GALNTL6: variants seen among roughly 807,000 people sequenced by gnomAD.
GALNTL6 encodes the protein polypeptide N-acetylgalactosaminyltransferase-like 6.
GALNTL6 carries 46 observed loss-of-function variants against 73.7 expected under a neutral mutation model. The observed-to-expected ratio is 0.62, with a 90% confidence interval of 0.49 to 0.80. The LOEUF is 0.80. GALNTL6 is among the 30% of genes least tolerant of loss of function. GALNTL6 has a pLI of 0.00. For missense variants in GALNTL6, 604 were observed against 755.0 expected (o/e 0.80, Z 2.34); for synonymous variants, 259 against 263.7 (o/e 0.98, Z 0.17).
At position 172,236,558 on chromosome 4, in the gene GALNTL6, C is replaced by CAAAA. The variant is rs149895272; in HGVS notation, c.247+6797_247+6798insAAAA. 2.3e-4 allele frequency among the ~76,000 whole-genome samples: 31 copies of CAAAA among 136,480 alleles called. 2 individuals carry two copies. Among genetic ancestry groups the CAAAA allele is most frequent in the East Asian group, 6.3e-4 (3 of 4,732 alleles). The allele number at this position is 136,480 out of a possible 152,430, so 89.5% of individuals were successfully genotyped here. On this transcript the variant is annotated intron_variant, in intron 3 of 12. Transcript: ENST00000506823. The stretch of plus-strand genomic sequence containing the variant: ...TGGGCGACAGAGTAAGACTCCGTCT[C>CAAAA]AAATAAAAAAAAAAAGTATATTAGC...
chr4:172,533,316 ATTTTTTTTTTT>A (rs34973148), intron 5 of GALNTL6, among the ~76,000 whole-genome samples: 1 of 77,394 alleles, frequency 1.3e-5, no homozygotes, highest in African/African-American at 5.6e-5. Context: ...CCCGGCCAGA[ATTTTTTTTTTT>A]TTTTTTTTTT....
intron 8 of GALNTL6, among the ~76,000 whole-genome samples, chr4:172,893,920 T>C (rs1746184544): frequency 6.6e-6 from 1 of 152,054 alleles, no homozygotes; most frequent in South Asian, 2.1e-4. Context: ...GAGTGTGGAG[T>C]CCCGGAGCTC....
At chr4:172,782,602 C>A (rs539111755) in intron 5 of GALNTL6, among the ~76,000 whole-genome samples, 2 of 152,074 alleles carry the variant, frequency 1.3e-5, no homozygotes, top group Non-Finnish European at 2.9e-5. Flanking sequence ...TCCCCCAACC[C>A]CCACCAATTT....
At chr4:172,045,594 G>C (rs2110848019) in intron 2 of GALNTL6, among the ~76,000 whole-genome samples, 1 of 151,868 alleles carries the variant, frequency 6.6e-6, no homozygotes, top group Non-Finnish European at 1.5e-5. Context: ...TAGAAAAAGG[G>C]CTATTATGTG....
intron 2 of GALNTL6, among the ~76,000 whole-genome samples, chr4:171,843,062 A>C (rs1735279213): frequency 6.6e-6 from 1 of 152,080 alleles, no homozygotes; most frequent in African/African-American, 2.4e-5. Context: ...TCTTCTATGA[A>C]ATTAGTTTTA....
chr4:172,148,230 G>C (rs1334302075), intron 2 of GALNTL6, among the ~76,000 whole-genome samples: 1 of 151,794 alleles, frequency 6.6e-6, no homozygotes. Context: ...TATTTCATTT[G>C]GCTATTGAGA....
intron 3 of GALNTL6, among the ~76,000 whole-genome samples, chr4:172,285,456 A>G (rs141374308): frequency 6.6e-6 from 1 of 152,202 alleles, no homozygotes; most frequent in Admixed American, 6.5e-5. Context: ...CCAGGAATCT[A>G]GCAAAAGTCT....
intron 5 of GALNTL6, among the ~76,000 whole-genome samples, chr4:172,389,460 A>G (rs1272743938): frequency 1.3e-5 from 2 of 152,272 alleles, no homozygotes; most frequent in Admixed American, 6.5e-5. Flanking sequence ...ATGGGAATGC[A>G]TATTTATTAA....
chr4:172,096,547 A>AAC (rs200866095), intron 2 of GALNTL6, among the ~76,000 whole-genome samples: 2 of 151,860 alleles, frequency 1.3e-5, no homozygotes, highest in East Asian at 1.9e-4. Flanking sequence ...ATAAAAAAAA[A>AAC]ACCTTACTAT....
intron 2 of GALNTL6, among the ~76,000 whole-genome samples, chr4:171,826,887 T>C (rs909836234): frequency 2.0e-5 from 3 of 152,082 alleles, no homozygotes; most frequent in African/African-American, 7.2e-5. Context: ...TTCACTGCCA[T>C]TCCCAACCAA....
At chr4:172,825,127 T>TTTCTTTCC (rs1553992673) in intron 7 of GALNTL6, among the ~76,000 whole-genome samples, 1 of 147,720 alleles carries the variant, frequency 6.8e-6, no homozygotes, top group East Asian at 2.2e-4. Flanking sequence ...TCTTTCTTTC[T>TTTCTTTCC]TTCTTCCTTT....
chr4:172,323,832 G>A (rs1740842058), intron 4 of GALNTL6, among the ~76,000 whole-genome samples: 1 of 152,008 alleles, frequency 6.6e-6, no homozygotes, highest in African/African-American at 2.4e-5. Flanking sequence ...TGCTGGCACT[G>A]TTATTTATAA....
At chr4:171,882,219 C>T (rs1406142226) in intron 2 of GALNTL6, among the ~76,000 whole-genome samples, 1 of 152,128 alleles carries the variant, frequency 6.6e-6, no homozygotes. Flanking sequence ...ATATGGAATT[C>T]TGACTACAGC....
intron 5 of GALNTL6, among the ~76,000 whole-genome samples, chr4:172,589,751 T>G (rs938036611): frequency 6.6e-6 from 1 of 152,236 alleles, no homozygotes; most frequent in East Asian, 1.9e-4. Context: ...TCAGTCACTT[T>G]AAATGAATGG....
intron 5 of GALNTL6, among the ~76,000 whole-genome samples, chr4:172,685,778 A>T (rs1356131819): frequency 1.3e-5 from 2 of 151,962 alleles, no homozygotes; most frequent in African/African-American, 2.4e-5. Context: ...AAAAAAAAAT[A>T]TCCCTATTGT....
intron 5 of GALNTL6, among the ~76,000 whole-genome samples, chr4:172,426,720 C>G (rs929576963): frequency 6.6e-6 from 1 of 152,016 alleles, no homozygotes; most frequent in Non-Finnish European, 1.5e-5. Flanking sequence ...TAGAATCTGA[C>G]CTTATATTGA....
At position 172,708,158 on chromosome 4, in the gene GALNTL6, C is replaced by A. The variant is rs562572233; in HGVS notation, c.554-101203C>A. On this transcript the variant is annotated intron_variant, in intron 5 of 12. Transcript: ENST00000506823. ...CTCTGCCTCCTGGACTCAAGCAATT[C>A]TCCTGCCTCAGCCTCCCAAGTAGCT... Among the ~76,000 whole-genome samples the A allele has an allele frequency of 2.0e-5, 3 of 152,266 alleles. No individual in the cohort carries two copies. The South Asian group carries it at 6.2e-4, about 32-fold the overall frequency.
intron 5 of GALNTL6, among the ~76,000 whole-genome samples, chr4:172,577,570 C>T (rs968584323): frequency 6.6e-6 from 1 of 152,134 alleles, no homozygotes. Flanking sequence ...TATACCACCT[C>T]AGAGCACTGT....
chr4:172,839,096 T>C (rs1743066732), intron 7 of GALNTL6, among the ~76,000 whole-genome samples: 1 of 152,140 alleles, frequency 6.6e-6, no homozygotes. Flanking sequence ...ATTACAGACA[T>C]AAGATTACGT....
Sources: allele counts gnomAD v4.1 joint callset (sites outside exome capture counted in the v4.1 genomes callset), GRCh38; gene constraint gnomAD v4.1.1; transcripts MANE v1.5; gene names NCBI Gene and HGNC (gene_info 2026-07-23, HGNC 2026-07-21).